Variants in LOC400499 observed in about 807,000 individuals in gnomAD.
chr16:11,443,274 A>T, the LOC400499 span: 1 of 326,576 alleles, frequency 3.1e-6, no homozygotes, highest in South Asian at 2.3e-5. Flanking sequence ...CAATGAGCCG[A>T]CATTGCGCAG....
chr16:11,407,424 G>A, the LOC400499 span: 20 of 396,298 alleles, frequency 5.0e-5, no homozygotes, highest in Non-Finnish European at 4.0e-5. Flanking sequence ...GATGCTGGCT[G>A]TAGGCCGAGG....
chr16:11,512,008 G>C, the LOC400499 span, among the ~76,000 whole-genome samples: 2 of 151,976 alleles, frequency 1.3e-5, no homozygotes, highest in African/African-American at 4.8e-5. Flanking sequence ...TAAGTTGAAG[G>C]CTGGGCACGG....
the LOC400499 span, among the ~76,000 whole-genome samples, chr16:11,442,877 T>A: frequency 6.6e-6 from 1 of 152,090 alleles, no homozygotes; most frequent in Non-Finnish European, 1.5e-5. Flanking sequence ...CATTTGTTTC[T>A]CCCTAGAAGC....
the LOC400499 span, chr16:11,446,833 T>C: frequency 1.6e-5 from 24 of 1,536,084 alleles, no homozygotes; most frequent in African/African-American, 6.8e-5. Context: ...CTCCAGGGAA[T>C]AGCGCTGGTG....
At chr16:11,431,233 G>C in the LOC400499 span, 2 of 399,038 alleles carry the variant, frequency 5.0e-6, no homozygotes, top group Non-Finnish European at 4.4e-6. Context: ...CCAAATCCTA[G>C]GCAGCGAAGT....
chr16:11,383,974 T>G, the LOC400499 span: 3 of 1,231,832 alleles, frequency 2.4e-6, no homozygotes, highest in Non-Finnish European at 3.0e-6. Context: ...CTGCTCCTGC[T>G]GAGGCTTCTC....
At chr16:11,382,202 T>C in the LOC400499 span, among the ~76,000 whole-genome samples, 1 of 152,202 alleles carries the variant, frequency 6.6e-6, no homozygotes, top group East Asian at 1.9e-4. Flanking sequence ...CCTCCCAAAG[T>C]GCTGGGATTA....
the LOC400499 span, chr16:11,423,390 G>C: frequency 2.5e-6 from 1 of 397,244 alleles, no homozygotes; most frequent in Non-Finnish European, 4.4e-6. Flanking sequence ...CCAAAGAGAG[G>C]TTTGCACAGG....
At chr16:11,402,197 G>C in the LOC400499 span, 1 of 399,074 alleles carries the variant, frequency 2.5e-6, no homozygotes. Context: ...TAGGGCACGT[G>C]AGCTGAGGTC....
At chr16:11,442,901 C>T in the LOC400499 span, among the ~76,000 whole-genome samples, 5 of 152,168 alleles carry the variant, frequency 3.3e-5, no homozygotes, top group South Asian at 6.2e-4. Context: ...AATAACTGTA[C>T]TACCTTATCC....
chr16:11,519,853 GCAC>G, the LOC400499 span, among the ~76,000 whole-genome samples: 1 of 151,988 alleles, frequency 6.6e-6, no homozygotes, highest in East Asian at 1.9e-4. Flanking sequence ...TTACAGGCAT[GCAC>G]CACCACGCCC....
the LOC400499 span, among the ~76,000 whole-genome samples, chr16:11,424,871 G>C: frequency 6.6e-6 from 1 of 152,148 alleles, no homozygotes; most frequent in Non-Finnish European, 1.5e-5. Context: ...GAGGCCTGGA[G>C]GGCTGATGGC....
chr16:11,445,863 T>C, the LOC400499 span, among the ~76,000 whole-genome samples: 1 of 151,108 alleles, frequency 6.6e-6, no homozygotes, highest in Non-Finnish European at 1.5e-5. Context: ...AGGCAGTGTC[T>C]TGCTCTGTGG....
the LOC400499 span, among the ~76,000 whole-genome samples, chr16:11,427,130 G>A: frequency 1.3e-5 from 2 of 151,648 alleles, no homozygotes; most frequent in African/African-American, 4.8e-5. Flanking sequence ...GGCCTAGGAG[G>A]GTGGGTCACC....
chr16:11,391,781 C>T, the LOC400499 span: 146 of 1,232,258 alleles, frequency 1.2e-4, no homozygotes, highest in African/African-American at 7.1e-4. Flanking sequence ...CCCAACCACT[C>T]GCCTGCATGG....
At chr16:11,449,054 G>A in the LOC400499 span, 35 of 1,486,816 alleles carry the variant, frequency 2.4e-5, no homozygotes, top group African/African-American at 2.2e-4. Context: ...AGGCTGACTC[G>A]AGTTCGCTCC....
chr16:11,403,609 T>G, the LOC400499 span, among the ~76,000 whole-genome samples: 9 of 152,324 alleles, frequency 5.9e-5, no homozygotes, highest in African/African-American at 1.4e-4. Context: ...TCAGGCCACC[T>G]GGTAAGCCGT....
At chr16:11,379,368 T>C in the LOC400499 span, among the ~76,000 whole-genome samples, 1 of 152,262 alleles carries the variant, frequency 6.6e-6, no homozygotes, top group Non-Finnish European at 1.5e-5. Context: ...TGCATGTACA[T>C]TTATAACTGT....
chr16:11,443,330 CAAAAAAAAA>C, the LOC400499 span: 5,075 of 257,424 alleles, frequency 0.02, 2 homozygotes, highest in Middle Eastern at 0.03. Flanking sequence ...TCCTCAGTCT[CAAAAAAAAA>C]AAAAAAAAAA....
Sources: gnomAD v4.1 joint callset for allele counts (sites outside exome capture counted in the v4.1 genomes callset) on GRCh38, gnomAD v4.1.1 for gene constraint, MANE v1.5 for transcripts.